PGCKA1: variants seen among roughly 807,000 people sequenced by gnomAD.
The protein encoded by PGCKA1 is PDCD10 and GCKIII kinases-associated protein 1.
chr4:37,529,905 AG>A, the PGCKA1 span, among the ~76,000 whole-genome samples: 2 of 152,184 alleles, frequency 1.3e-5, no homozygotes, highest in Admixed American at 6.5e-5. Flanking sequence ...CCTATAAGAT[AG>A]GTATTATTAT....
At chr4:37,586,940 G>A in the PGCKA1 span, among the ~76,000 whole-genome samples, 1 of 152,152 alleles carries the variant, frequency 6.6e-6, no homozygotes, top group East Asian at 1.9e-4. Flanking sequence ...ACAAAACAAT[G>A]GAAGTTTATT....
At chr4:37,490,415 T>G in the PGCKA1 span, among the ~76,000 whole-genome samples, 1 of 152,186 alleles carries the variant, frequency 6.6e-6, no homozygotes, top group Admixed American at 6.5e-5. Flanking sequence ...TTTCATGTAC[T>G]AGAAACGTGT....
the PGCKA1 span, among the ~76,000 whole-genome samples, chr4:37,545,624 A>C: frequency 6.6e-6 from 1 of 151,976 alleles, no homozygotes; most frequent in Non-Finnish European, 1.5e-5. Flanking sequence ...TACCTCCTCT[A>C]TTGCTCTCCC....
At chr4:37,461,950 C>G in the PGCKA1 span, among the ~76,000 whole-genome samples, 1 of 152,008 alleles carries the variant, frequency 6.6e-6, no homozygotes. Context: ...TGATTCTGGA[C>G]TGTCAAGTTC....
At chr4:37,464,325 T>C in the PGCKA1 span, among the ~76,000 whole-genome samples, 1 of 152,222 alleles carries the variant, frequency 6.6e-6, no homozygotes, top group Admixed American at 6.5e-5. Context: ...CTCTGCCATT[T>C]GTTGTGGGAC....
At chr4:37,530,014 G>A in the PGCKA1 span, among the ~76,000 whole-genome samples, 1 of 152,062 alleles carries the variant, frequency 6.6e-6, no homozygotes, top group Non-Finnish European at 1.5e-5. Context: ...AAGTGGGGTA[G>A]GTAAAGGATC....
chr4:37,551,496 G>A, the PGCKA1 span, among the ~76,000 whole-genome samples: 18 of 151,966 alleles, frequency 1.2e-4, no homozygotes, highest in African/African-American at 2.4e-5. Context: ...ATTCTGGCCC[G>A]GCAAAAAAAC....
the PGCKA1 span, among the ~76,000 whole-genome samples, chr4:37,529,388 A>G: frequency 6.6e-6 from 1 of 152,196 alleles, no homozygotes; most frequent in African/African-American, 2.4e-5. Flanking sequence ...TCATATGATT[A>G]TGTACTATTG....
chr4:37,575,220 T>C, the PGCKA1 span, among the ~76,000 whole-genome samples: 2 of 142,984 alleles, frequency 1.4e-5, no homozygotes, highest in Admixed American at 6.6e-5. Context: ...CCACCAACTG[T>C]GTATGAGAGT....
the PGCKA1 span, among the ~76,000 whole-genome samples, chr4:37,547,854 A>G: frequency 1.3e-5 from 2 of 152,160 alleles, no homozygotes; most frequent in African/African-American, 4.8e-5. Context: ...GAAATCCCAA[A>G]CTTACAAGGT....
chr4:37,462,122 TAATTCAAAC>T, the PGCKA1 span, among the ~76,000 whole-genome samples: 3 of 152,242 alleles, frequency 2.0e-5, no homozygotes, highest in Admixed American at 1.3e-4. Context: ...TGCTAAGAGG[TAATTCAAAC>T]ATTTAAATTC....
chr4:37,520,926 CTTTTA>C, the PGCKA1 span, among the ~76,000 whole-genome samples: 6 of 152,054 alleles, frequency 3.9e-5, no homozygotes, highest in Non-Finnish European at 8.8e-5. Context: ...CCTTTTTTCT[CTTTTA>C]TTTTATTTAT....
At chr4:37,548,782 A>G in the PGCKA1 span, among the ~76,000 whole-genome samples, 4 of 139,474 alleles carry the variant, frequency 2.9e-5, no homozygotes, top group Non-Finnish European at 6.2e-5. Context: ...TCATTTTACT[A>G]GAGGATCATA....
At chr4:37,558,417 T>C in the PGCKA1 span, among the ~76,000 whole-genome samples, 1 of 152,132 alleles carries the variant, frequency 6.6e-6, no homozygotes, top group South Asian at 2.1e-4. Context: ...CTCAGAACAG[T>C]GGCTCTCAGC....
At chr4:37,565,551 C>T in the PGCKA1 span, among the ~76,000 whole-genome samples, 1 of 152,184 alleles carries the variant, frequency 6.6e-6, no homozygotes, top group Admixed American at 6.5e-5. Flanking sequence ...TCCAAATGTA[C>T]AGTGGGCAGA....
At chr4:37,539,486 G>A in the PGCKA1 span, among the ~76,000 whole-genome samples, 2 of 152,170 alleles carry the variant, frequency 1.3e-5, no homozygotes, top group East Asian at 1.9e-4. Context: ...GCAAAACCCC[G>A]TCCCTACTAA....
the PGCKA1 span, among the ~76,000 whole-genome samples, chr4:37,464,075 GTT>G: frequency 6.6e-6 from 1 of 152,166 alleles, no homozygotes; most frequent in Non-Finnish European, 1.5e-5. Context: ...ATGCACATTT[GTT>G]TGCATTAAAT....
the PGCKA1 span, among the ~76,000 whole-genome samples, chr4:37,498,279 T>TA: frequency 1.3e-5 from 2 of 152,346 alleles, no homozygotes; most frequent in African/African-American, 4.8e-5. Flanking sequence ...TGCCTGTTTT[T>TA]ATACCAGTAC....
At chr4:37,560,904 C>T in the PGCKA1 span, among the ~76,000 whole-genome samples, 1 of 152,132 alleles carries the variant, frequency 6.6e-6, no homozygotes, top group African/African-American at 2.4e-5. Flanking sequence ...CTTTCACCTG[C>T]TACGAAACCA....
Sources: gnomAD v4.1 joint callset for allele counts (sites outside exome capture counted in the v4.1 genomes callset) on GRCh38, gnomAD v4.1.1 for gene constraint, MANE v1.5 for transcripts, NCBI Gene and HGNC (gene_info 2026-07-23, HGNC 2026-07-21) for gene names.